PCGF6: variants seen among roughly 807,000 people sequenced by gnomAD.
PCGF6 encodes polycomb group ring finger 6.
Under a neutral mutation model 45.5 loss-of-function variants are expected in PCGF6, and 24 were observed. The observed-to-expected ratio is 0.53, with a 90% CI of 0.38 to 0.74. PCGF6 has a LOEUF of 0.74. Among genes scored for constraint, PCGF6 ranks in the 30% least tolerant of loss-of-function variants. The pLI is 0.00. For synonymous variants in PCGF6, 152 were observed against 162.1 expected (o/e 0.94, Z 0.47); for missense variants, 356 against 443.2 (o/e 0.80, Z 1.77).
intron 8 of PCGF6, among the ~76,000 whole-genome samples, chr10:103,326,247 G>GT (rs1432929602): frequency 6.6e-6 from 1 of 151,892 alleles, no homozygotes; most frequent in Admixed American, 6.6e-5. Context: ...AAATCAGCCG[G>GT]GTGCAGTGGC....
At chr10:103,308,783 G>A (rs550327919) in intron 9 of PCGF6, among the ~76,000 whole-genome samples, 9 of 152,062 alleles carry the variant, frequency 5.9e-5, no homozygotes, top group African/African-American at 2.2e-4. Context: ...TGAGGTGGGA[G>A]AATCACTTGA....
intron 8 of PCGF6, among the ~76,000 whole-genome samples, chr10:103,324,435 G>T (rs998467160): frequency 2.6e-5 from 4 of 151,674 alleles, no homozygotes; most frequent in Non-Finnish European, 5.9e-5. Flanking sequence ...AATGATACAT[G>T]AAGTTTGAGG....
chr10:103,338,261 C>T (rs556830682), intron 6 of PCGF6, among the ~76,000 whole-genome samples: 10 of 150,814 alleles, frequency 6.6e-5, no homozygotes, highest in African/African-American at 1.5e-4. Context: ...ACAAAAAAAC[C>T]GGTCAGGTGC....
chr10:103,327,179 G>A (rs987915189), intron 7 of PCGF6, among the ~76,000 whole-genome samples: 11 of 152,114 alleles, frequency 7.2e-5, no homozygotes, highest in African/African-American at 2.7e-4. Flanking sequence ...CAGCTACTCG[G>A]GAGGCTGAGG....
intron 7 of PCGF6, among the ~76,000 whole-genome samples, chr10:103,332,996 C>A (rs1459864562): frequency 1.3e-5 from 2 of 151,970 alleles, no homozygotes; most frequent in East Asian, 3.9e-4. Flanking sequence ...TGCCTGTAAT[C>A]CTAGCTATTC....
chr10:103,314,954 TAAAAAAA>T (rs60182387), intron 8 of PCGF6, among the ~76,000 whole-genome samples: 3 of 57,180 alleles, frequency 5.2e-5, no homozygotes, highest in African/African-American at 2.4e-4. Flanking sequence ...GACTCTGTCA[TAAAAAAA>T]AAAAAAAAAA....
At chr10:103,314,878 C>T (rs1388943028) in intron 8 of PCGF6, among the ~76,000 whole-genome samples, 2 of 148,596 alleles carry the variant, frequency 1.3e-5, no homozygotes, top group African/African-American at 5.0e-5. Context: ...TCACTCGACC[C>T]CAGGAGGTGT....
At chr10:103,316,013 TAGAG>T (rs5787488) in intron 8 of PCGF6, among the ~76,000 whole-genome samples, 18,726 of 118,904 alleles carry the variant, frequency 0.16, 1,298 homozygotes, top group Middle Eastern at 0.24. Context: ...TATATATATA[TAGAG>T]AGAGAGAGAG....
At chr10:103,324,890 A>G (rs1254243087) in intron 8 of PCGF6, among the ~76,000 whole-genome samples, 4 of 150,912 alleles carry the variant, frequency 2.7e-5, no homozygotes, top group Non-Finnish European at 5.9e-5. Flanking sequence ...ATCCCAGCAC[A>G]TTGGGAGGCC....
chr10:103,313,811 T>C (rs1298610787), intron 9 of PCGF6, among the ~76,000 whole-genome samples: 1 of 152,100 alleles, frequency 6.6e-6, no homozygotes, highest in Non-Finnish European at 1.5e-5. Flanking sequence ...CAAAATTGTA[T>C]TATAGCACTG....
At position 103,351,099 on chromosome 10, in the gene PCGF6, C is replaced by T. The variant is rs199907212; in HGVS notation, c.-33G>A. ...AGAGACACCAGGCGAGGCGAGGCGG[C>T]GGGAGAGCGCGGGAGTTCGGCCGGC... On this transcript the variant is annotated 5_prime_UTR_variant, in exon 1 of 10. Coordinates refer to ENST00000369847, the MANE Select transcript of PCGF6 (RefSeq NM_001011663.2). The T allele has an allele frequency of 4.8e-4, 648 of 1,338,656 alleles. 1 individual carries two copies. In the African/African-American group the frequency reaches 9.1e-3, roughly 19 times the overall value. The allele number at this position is 1,338,656 out of a possible 1,614,324, so 82.9% of individuals were successfully genotyped here.
At position 103,347,278 on chromosome 10, in the gene PCGF6, A is replaced by G; in HGVS notation, c.633T>C (p.His211=). The part of the protein sequence containing the change: ...NLEEREKKQM[H]DFYKERGLEV... ...CTAGACCTCTTTCTTTATAGAAATC[A>G]TGCATTTGCTTTTTTTCTCCTAAAA... The change falls in exon 5 of 10, where the codon CAT becomes CAC. Residue 211 remains histidine, a synonymous_variant. Transcript: ENST00000369847. The G allele has an allele frequency of 6.2e-7, 1 of 1,609,810 alleles. No individual in the cohort carries two copies. Among genetic ancestry groups the G allele is most frequent in the Non-Finnish European group, 8.5e-7 (1 of 1,176,250 alleles).
chr10:103,335,256 G>A (rs1410671129), intron 6 of PCGF6, among the ~76,000 whole-genome samples: 1 of 151,198 alleles, frequency 6.6e-6, no homozygotes, highest in Non-Finnish European at 1.5e-5. Context: ...GTCTCGCTGT[G>A]TTGGCCAGGC....
chr10:103,324,651 T>G (rs2093210149), intron 8 of PCGF6, among the ~76,000 whole-genome samples: 1 of 149,006 alleles, frequency 6.7e-6, no homozygotes. Flanking sequence ...TCCCAGCTAC[T>G]CAGGAGCCTG....
intron 6 of PCGF6, among the ~76,000 whole-genome samples, chr10:103,343,369 TACA>T (rs951870315): frequency 7.9e-5 from 12 of 151,958 alleles, no homozygotes; most frequent in African/African-American, 2.7e-4. Flanking sequence ...TCATCAGTGA[TACA>T]ACATGAGAAA....
At chr10:103,325,443 T>C (rs1291964205) in intron 8 of PCGF6, among the ~76,000 whole-genome samples, 2 of 151,972 alleles carry the variant, frequency 1.3e-5, no homozygotes, top group Non-Finnish European at 1.5e-5. Context: ...TTAGTAGAGA[T>C]AGGGTTTCAC....
intron 8 of PCGF6, among the ~76,000 whole-genome samples, chr10:103,325,762 T>C (rs1401164481): frequency 1.3e-5 from 2 of 151,356 alleles, no homozygotes; most frequent in African/African-American, 2.4e-5. Context: ...CTAACTCCTA[T>C]AATCCTAGTG....
chr10:103,306,333 G>C (rs1295991945), intron 9 of PCGF6, among the ~76,000 whole-genome samples: 1 of 152,066 alleles, frequency 6.6e-6, no homozygotes, highest in Non-Finnish European at 1.5e-5. Context: ...CGCGACCTCA[G>C]GTGATCCGCC....
At chr10:103,328,356 A>G (rs1427137242) in intron 7 of PCGF6, among the ~76,000 whole-genome samples, 3 of 152,144 alleles carry the variant, frequency 2.0e-5, no homozygotes, top group Non-Finnish European at 4.4e-5. Flanking sequence ...CAGAGTCTAT[A>G]TTAGATAGGT....
Sources: allele counts gnomAD v4.1 joint callset (sites outside exome capture counted in the v4.1 genomes callset), GRCh38; gene constraint gnomAD v4.1.1; transcripts MANE v1.5; gene names NCBI Gene and HGNC (gene_info 2026-07-23, HGNC 2026-07-21).